Variants in PARD3 observed in about 807,000 individuals in gnomAD.
PARD3 encodes the protein par-3 family cell polarity regulator.
PARD3 carries 75 observed loss-of-function variants against 155.4 expected under a neutral mutation model. The ratio of observed to expected loss-of-function variants is 0.48; its 90% CI spans 0.40 to 0.58. The LOEUF is 0.58. Among genes scored for constraint, PARD3 ranks in the 20% least tolerant of loss-of-function variants. The pLI is 0.00. For missense variants in PARD3, 1,642 were observed against 1,721.7 expected (o/e 0.95, Z 0.82); for synonymous variants, 576 against 610.5 (o/e 0.94, Z 0.83).
At chr10:34,805,053 G>A (rs993405252) in intron 1 of PARD3, among the ~76,000 whole-genome samples, 1 of 152,142 alleles carries the variant, frequency 6.6e-6, no homozygotes, top group East Asian at 1.9e-4. Context: ...AAAGGGATGC[G>A]GTACAATCAA....
rs2084561961 is a variant in PARD3, at chr10:34,551,522, T to C, written c.223-34363A>G. On this transcript the variant is annotated intron_variant, in intron 2 of 24. Coordinates refer to ENST00000374788, the MANE Select transcript of PARD3 (RefSeq NM_001184785.2). Reference sequence around the variant, plus strand: ...CTTTGATTCCAATTGCAACAGCCCTTGGGCTGGAGGTTTATGGAGAGGGCT... The same window carrying C: ...CTTTGATTCCAATTGCAACAGCCCTCGGGCTGGAGGTTTATGGAGAGGGCT... Among the ~76,000 whole-genome samples the C allele has an allele frequency of 1.3e-5, 2 of 152,188 alleles. 1 individual carries two copies. Among genetic ancestry groups the C allele is most frequent in the Admixed American group, 1.3e-4 (2 of 15,286 alleles).
At chr10:34,386,796 T>C (rs532283843) in intron 7 of PARD3, among the ~76,000 whole-genome samples, 94 of 143,738 alleles carry the variant, frequency 6.5e-4, no homozygotes, top group Middle Eastern at 3.6e-3. Context: ...CACTCCAGCC[T>C]GGGCAACGCA....
intron 18 of PARD3, among the ~76,000 whole-genome samples, chr10:34,333,187 T>G (rs1185028495): frequency 6.6e-6 from 1 of 152,128 alleles, no homozygotes; most frequent in Non-Finnish European, 1.5e-5. Flanking sequence ...TGAATAAAGA[T>G]TTCATGCTTC....
chr10:34,186,563 G>C (rs1950504945), intron 22 of PARD3, among the ~76,000 whole-genome samples: 1 of 152,106 alleles, frequency 6.6e-6, no homozygotes, highest in Non-Finnish European at 1.5e-5. Flanking sequence ...CAGAATTTAT[G>C]TATCACAGTT....
chr10:34,162,290 T>C (rs939500023), intron 22 of PARD3, among the ~76,000 whole-genome samples: 6 of 152,174 alleles, frequency 3.9e-5, no homozygotes, highest in South Asian at 2.1e-4. Flanking sequence ...CTTGGATATA[T>C]AGAAGCCCTC....
At chr10:34,365,105 C>T (rs1839835881) in intron 12 of PARD3, among the ~76,000 whole-genome samples, 1 of 152,302 alleles carries the variant, frequency 6.6e-6, no homozygotes, top group African/African-American at 2.4e-5. Flanking sequence ...TTTGACAATG[C>T]TTACCTAAAC....
At chr10:34,213,967 C>T (rs1163074589) in intron 22 of PARD3, among the ~76,000 whole-genome samples, 1 of 152,268 alleles carries the variant, frequency 6.6e-6, no homozygotes, top group East Asian at 1.9e-4. Context: ...GTGATCATAG[C>T]TCACTGTAGC....
chr10:34,808,930 G>T (rs1015099209), intron 1 of PARD3, among the ~76,000 whole-genome samples: 1 of 152,176 alleles, frequency 6.6e-6, no homozygotes, highest in Non-Finnish European at 1.5e-5. Context: ...AATCAGAGGC[G>T]CCAGACCAAG....
chr10:34,702,948 C>A (rs1476975608), intron 1 of PARD3, among the ~76,000 whole-genome samples: 2 of 152,076 alleles, frequency 1.3e-5, no homozygotes, highest in African/African-American at 2.4e-5. Context: ...AAAGATGCTA[C>A]TAAAAATCCA....
chr10:34,324,421 A>G (rs1389928767), intron 19 of PARD3, among the ~76,000 whole-genome samples: 1 of 152,330 alleles, frequency 6.6e-6, no homozygotes, highest in Non-Finnish European at 1.5e-5. Flanking sequence ...GAGAAGGAAG[A>G]TGACAGTATA....
intron 3 of PARD3, among the ~76,000 whole-genome samples, chr10:34,507,548 C>CAAAAAAAAAAAAAAAAAAAAAAAAAAAA (rs374421524): frequency 7.0e-5 from 3 of 42,998 alleles, no homozygotes; most frequent in Admixed American, 2.3e-4. Context: ...ATTAAAAAAA[C>CAAAAAAAAAAAAAAAAAAAAAAAAAAAA]AAAAAAAAAA....
At chr10:34,396,760 T>C (rs1843386555) in intron 7 of PARD3, among the ~76,000 whole-genome samples, 1 of 152,162 alleles carries the variant, frequency 6.6e-6, no homozygotes, top group African/African-American at 2.4e-5. Context: ...ATTGTAGTCC[T>C]ACTAGATATA....
chr10:34,201,047 G>A (rs1358827338), intron 22 of PARD3, among the ~76,000 whole-genome samples: 1 of 152,120 alleles, frequency 6.6e-6, no homozygotes, highest in Non-Finnish European at 1.5e-5. Context: ...TTTATAAACT[G>A]TATCTGTTTA....
At chr10:34,185,160 A>T (rs184904978) in intron 22 of PARD3, among the ~76,000 whole-genome samples, 1 of 152,252 alleles carries the variant, frequency 6.6e-6, no homozygotes, top group Admixed American at 6.5e-5. Context: ...TGTTATGTAG[A>T]TTGGATGAGC....
At chr10:34,449,390 T>C (rs1192712341) in intron 5 of PARD3, among the ~76,000 whole-genome samples, 5 of 145,262 alleles carry the variant, frequency 3.4e-5, no homozygotes, top group South Asian at 2.1e-4. Flanking sequence ...AAAAAACCCA[T>C]TGTGAGTCAA....
intron 20 of PARD3, among the ~76,000 whole-genome samples, chr10:34,308,257 G>A (rs1421913502): frequency 6.6e-6 from 1 of 152,144 alleles, no homozygotes; most frequent in East Asian, 1.9e-4. Flanking sequence ...ACAGAGGAGG[G>A]AAAAGTGACT....
At chr10:34,785,857 T>C (rs1840902081) in intron 1 of PARD3, among the ~76,000 whole-genome samples, 1 of 152,196 alleles carries the variant, frequency 6.6e-6, no homozygotes, top group Admixed American at 6.5e-5. Flanking sequence ...ATTAATACTA[T>C]ACATTGCTCT....
intron 1 of PARD3, among the ~76,000 whole-genome samples, chr10:34,759,723 T>C (rs1196536224): frequency 6.6e-6 from 1 of 152,252 alleles, no homozygotes; most frequent in Non-Finnish European, 1.5e-5. Flanking sequence ...TCAGCCAGCA[T>C]AACGTGTGTG....
intron 1 of PARD3, among the ~76,000 whole-genome samples, chr10:34,812,539 A>G (rs1168093304): frequency 6.6e-6 from 1 of 152,258 alleles, no homozygotes; most frequent in East Asian, 1.9e-4. Context: ...AAGACTAAAA[A>G]TTAATCTTAA....
Sources: gnomAD v4.1 joint callset for allele counts (sites outside exome capture counted in the v4.1 genomes callset) on GRCh38, gnomAD v4.1.1 for gene constraint, MANE v1.5 for transcripts, NCBI Gene and HGNC (gene_info 2026-07-23, HGNC 2026-07-21) for gene names.